FMN1: variants seen among roughly 807,000 people sequenced by gnomAD.
FMN1 encodes formin 1.
A neutral mutation model predicts 132.4 loss-of-function variants in FMN1; 110 were observed. That is an observed-to-expected ratio of 0.83 (90% CI 0.71 to 0.97). The LOEUF is 0.97. Ranked by LOEUF, FMN1 falls within the 50% of genes least tolerant of loss-of-function variation. The pLI is 0.00. For synonymous variants in FMN1, 722 were observed against 651.7 expected, an observed-to-expected ratio of 1.11 and a Z score of -1.64; for missense variants, 1,792 against 1,705.3, an observed-to-expected ratio of 1.05 and a Z score of -0.90.
intron 19 of FMN1, among the ~76,000 whole-genome samples, chr15:32,788,469 T>C (rs1489762242): frequency 6.6e-6 from 1 of 152,158 alleles, no homozygotes. Flanking sequence ...TACCACCTAC[T>C]GAGTCTCACC....
intron 7 of FMN1, among the ~76,000 whole-genome samples, chr15:32,982,622 G>C (rs925366809): frequency 1.3e-5 from 2 of 152,106 alleles, no homozygotes; most frequent in Non-Finnish European, 2.9e-5. Context: ...TCTGGAGGCT[G>C]GGTAAAGCAG....
rs535116765 is a variant in FMN1, at chr15:33,183,459, G to A, written c.-196-3197C>T. Among the ~76,000 whole-genome samples, 4 of 152,262 alleles carry A rather than the reference G, an allele frequency of 2.6e-5. No homozygotes were observed. The East Asian group carries it at 5.8e-4, about 22-fold the overall frequency. On this transcript the variant is annotated intron_variant, in intron 2 of 20. Coordinates refer to ENST00000616417, the MANE Select transcript of FMN1 (RefSeq NM_001277313.2). ...ATGAGAAATTTAATATATGTTGATTGCTCTTACTTCTTGAGGACAGAGACT... is the reference window on the plus strand; with the variant it reads ...ATGAGAAATTTAATATATGTTGATTACTCTTACTTCTTGAGGACAGAGACT...
intron 7 of FMN1, among the ~76,000 whole-genome samples, chr15:32,976,362 G>A (rs559551692): frequency 2.0e-5 from 3 of 152,264 alleles, no homozygotes; most frequent in Admixed American, 6.5e-5. Context: ...AGAATGCTTA[G>A]GTAAGGCAAG....
intron 3 of FMN1, among the ~76,000 whole-genome samples, chr15:33,165,002 T>A (rs1208816985): frequency 6.6e-6 from 1 of 152,242 alleles, no homozygotes; most frequent in Admixed American, 6.5e-5. Flanking sequence ...GTAATCACCC[T>A]GTTGTACAAT....
intron 17 of FMN1, among the ~76,000 whole-genome samples, chr15:32,848,997 T>TTTTC (rs1386623254): frequency 8.3e-5 from 12 of 144,420 alleles, no homozygotes; most frequent in African/African-American, 3.2e-4. Flanking sequence ...TTTTTTTTTT[T>TTTTC]TTCAGAGACA....
intron 16 of FMN1, 22 bp from the exon 17 acceptor site, chr15:32,857,129 T>TA (rs1426106450): frequency 6.3e-7 from 1 of 1,582,362 alleles, no homozygotes; most frequent in East Asian, 2.2e-5. Flanking sequence ...AATTTAGAAT[T>TA]AGACTTAGGA....
chr15:32,986,280 G>A (rs879396323), intron 7 of FMN1, among the ~76,000 whole-genome samples: 4 of 152,134 alleles, frequency 2.6e-5, no homozygotes, highest in Non-Finnish European at 5.9e-5. Flanking sequence ...AAGTGTATCC[G>A]TTGAGGCTAA....
At chr15:32,856,893 T>G in intron 17 of FMN1, 122 bp downstream of exon 17, 1 of 679,216 alleles carries the variant, frequency 1.5e-6, no homozygotes, top group Non-Finnish European at 2.6e-6. Flanking sequence ...GATGGGCTAA[T>G]GAAATCACCA....
intron 17 of FMN1, among the ~76,000 whole-genome samples, chr15:32,849,568 T>C (rs1418432069): frequency 3.6e-5 from 5 of 139,852 alleles, no homozygotes; most frequent in Non-Finnish European, 4.6e-5. Context: ...GGGGAAAACA[T>C]ACGCTCTTTG....
chr15:32,954,178 C>T (rs986417368), intron 9 of FMN1, among the ~76,000 whole-genome samples: 1 of 152,176 alleles, frequency 6.6e-6, no homozygotes, highest in Admixed American at 6.5e-5. Flanking sequence ...ACCCCCACTA[C>T]ATAAAAAACT....
At chr15:33,065,126 T>A (rs2037664313) in intron 5 of FMN1, 52 bp from the exon 6 acceptor site, 1 of 1,260,152 alleles carries the variant, frequency 7.9e-7, no homozygotes, top group African/African-American at 1.5e-5. Context: ...AGCCGATTAA[T>A]TCCTGAAAAA....
chr15:32,787,504 C>T (rs2056919291), intron 19 of FMN1, among the ~76,000 whole-genome samples: 1 of 152,174 alleles, frequency 6.6e-6, no homozygotes, highest in Admixed American at 6.5e-5. Context: ...AGTAAGAATA[C>T]CAGCAGAAAG....
In FMN1 at chr15:32,942,438, C is replaced by T. The variant is rs192651826; in HGVS notation, c.3139-16177G>A. ...AGAAAATCTGTACACTGTATATCTT[C>T]GGCTTTCTGCCTGAGCTTGGCAGAC... is the stretch of plus-strand genomic sequence containing the variant. On this transcript the variant is annotated intron_variant, in intron 9 of 20. Transcript: ENST00000616417. 2.1e-3 allele frequency among the ~76,000 whole-genome samples: 320 copies of T among 152,264 alleles called. 3 individuals carry two copies. Among genetic ancestry groups the T allele is most frequent in the African/African-American group, 7.3e-3 (303 of 41,550 alleles).
At position 32,866,467 on chromosome 15, in the gene FMN1, C is replaced by G. The variant is rs368214723; in HGVS notation, c.3836-9360G>C. Reference sequence around the variant, plus strand: ...TCTTCAGCTATTTTAAATAATCAAACAGTAGAAAGGCTGGCTAGATAACAT... The same window carrying G: ...TCTTCAGCTATTTTAAATAATCAAAGAGTAGAAAGGCTGGCTAGATAACAT... On this transcript the variant is annotated intron_variant, in intron 16 of 20. Coordinates refer to ENST00000616417, the MANE Select transcript of FMN1 (RefSeq NM_001277313.2). Among the ~76,000 whole-genome samples, 3 of 152,086 alleles carry G rather than the reference C, an allele frequency of 2.0e-5. No homozygotes were observed. The East Asian group carries it at 5.8e-4, about 29-fold the overall frequency.
At chr15:33,076,702 G>A (rs1489281958) in intron 5 of FMN1, among the ~76,000 whole-genome samples, 2 of 152,136 alleles carry the variant, frequency 1.3e-5, no homozygotes, top group Non-Finnish European at 2.9e-5. Flanking sequence ...CTGCAATAAA[G>A]CCAGCATTTG....
intron 10 of FMN1, among the ~76,000 whole-genome samples, chr15:32,919,597 T>C (rs1394740199): frequency 1.3e-5 from 2 of 152,226 alleles, no homozygotes; most frequent in Non-Finnish European, 2.9e-5. Flanking sequence ...ATAACATGCA[T>C]ATTAGTTATG....
At chr15:33,000,971 A>T (rs1289630278) in intron 7 of FMN1, among the ~76,000 whole-genome samples, 1 of 152,200 alleles carries the variant, frequency 6.6e-6, no homozygotes, top group Non-Finnish European at 1.5e-5. Context: ...GGAAGATCAC[A>T]GACAAGTCAC....
intron 4 of FMN1, among the ~76,000 whole-genome samples, chr15:33,089,582 T>C (rs1019184620): frequency 2.0e-5 from 3 of 152,264 alleles, no homozygotes; most frequent in Admixed American, 6.5e-5. Flanking sequence ...ATGATAATCA[T>C]TAACTATGTG....
rs1375651058 is a variant in FMN1 at position 32,951,437 on chromosome 15, ACACAC to A, written c.3138+12665_3138+12669del. On this transcript the variant is annotated intron_variant, in intron 9 of 20. Coordinates refer to ENST00000616417, the MANE Select transcript of FMN1 (RefSeq NM_001277313.2). ...GCGCCCCAGTGGGACACACACACACACACACACACACACACACACATCCACGCACA... is the reference window on the plus strand; with the variant it reads ...GCGCCCCAGTGGGACACACACACACAACACACACACACACATCCACGCACA... Among the ~76,000 whole-genome samples the A allele has an allele frequency of 2.0e-5, 3 of 151,166 alleles. No homozygotes were observed. The East Asian group carries it at 5.9e-4, about 30-fold the overall frequency.
Sources: allele counts gnomAD v4.1 joint callset (sites outside exome capture counted in the v4.1 genomes callset), GRCh38; gene constraint gnomAD v4.1.1; transcripts MANE v1.5; gene names NCBI Gene and HGNC (gene_info 2026-07-23, HGNC 2026-07-21).